The following SLC27A1 variants were observed in gnomAD, a reference collection of about 807,000 sequenced individuals.
SLC27A1 encodes long-chain fatty acid transport protein 1.
SLC27A1 carries 61 observed loss-of-function variants against 62.2 expected under a neutral mutation model. The observed-to-expected ratio is 0.98, with a 90% confidence interval of 0.80 to 1.21. SLC27A1 has a LOEUF of 1.21. SLC27A1 is among the 50% of genes most tolerant of loss of function. SLC27A1 has a pLI of 0.00. For missense variants in SLC27A1, 903 were observed against 932.1 expected (o/e 0.97, Z 0.41); for synonymous variants, 435 against 408.6 (o/e 1.06, Z -0.78).
chr19:17,497,573 G>T (rs1163208984), intron 7 of SLC27A1, 109 bp downstream of exon 7: 35 of 1,042,740 alleles, frequency 3.4e-5, no homozygotes, highest in Non-Finnish European at 4.4e-5. Flanking sequence ...GGCGCGGAAG[G>T]CTCCGCCAAG....
chr19:17,502,194 C>G (rs888783378), intron 11 of SLC27A1, among the ~76,000 whole-genome samples: 1 of 152,082 alleles, frequency 6.6e-6, no homozygotes, highest in Non-Finnish European at 1.5e-5. Context: ...CATCCTAGTT[C>G]AGGACAGTGT....
At chr19:17,488,096 CGCCT>C (rs2075256076) in intron 4 of SLC27A1, among the ~76,000 whole-genome samples, 1 of 152,174 alleles carries the variant, frequency 6.6e-6, no homozygotes, top group Non-Finnish European at 1.5e-5. Context: ...TGGTGGCTTA[CGCCT>C]GTAACCCCAA....
At chr19:17,485,546 T>G (rs2075221432) in intron 1 of SLC27A1, among the ~76,000 whole-genome samples, 1 of 151,582 alleles carries the variant, frequency 6.6e-6, no homozygotes, top group Non-Finnish European at 1.5e-5. Flanking sequence ...AAGTTCATTC[T>G]TGGCTGGGCA....
At chr19:17,491,276 C>T (rs1364165185) in intron 6 of SLC27A1, 2 of 152,014 alleles carry the variant, frequency 1.3e-5, no homozygotes, top group African/African-American at 4.8e-5. Context: ...CCAGAACATT[C>T]TCATGCCCCC....
In SLC27A1 at chr19:17,487,276, C is replaced by T; in HGVS notation, c.665C>T (p.Pro222Leu). 11 of 1,613,826 alleles carry T rather than the reference C, an allele frequency of 6.8e-6. No homozygotes were observed. The highest frequency in any genetic ancestry group is 1.1e-5 in the South Asian group (1 of 91,068). ...GILPDTHLLD[P>L]LLKEASTAPL... ...TTGCCGGACACCCACCTCCTGGACC[C>T]GCTGCTGAAGGAGGCCTCTACTGCC... The change falls in exon 3 of 12, where the codon CCG becomes CTG. Residue 222 changes from proline to leucine, a missense_variant. Pro to Leu is a moderately conservative substitution (Grantham distance 98). Coordinates refer to ENST00000252595, the MANE Select transcript of SLC27A1 (RefSeq NM_198580.3).
intron 11 of SLC27A1, among the ~76,000 whole-genome samples, chr19:17,502,354 T>TG (rs1465379482): frequency 1.8e-5 from 2 of 112,534 alleles, no homozygotes; most frequent in East Asian, 4.5e-4. Flanking sequence ...GTTTTTTTTT[T>TG]TTTTTTTTTT....
chr19:17,483,402 G>A (rs1197275908), intron 1 of SLC27A1, among the ~76,000 whole-genome samples: 1 of 152,088 alleles, frequency 6.6e-6, no homozygotes, highest in African/African-American at 2.4e-5. Context: ...CTGCTGGGGG[G>A]AGCTCTGTGA....
Position 17,475,208 on chromosome 19 carries a change from C to T in SLC27A1, c.167+4501C>T, listed in dbSNP as rs542021719. 2.0e-5 allele frequency among the ~76,000 whole-genome samples: 3 copies of T among 152,284 alleles called. No individual in the cohort carries two copies. The East Asian group carries it at 5.8e-4, about 29-fold the overall frequency. On this transcript the variant is annotated intron_variant, in intron 1 of 11. Transcript: ENST00000252595. ...GGTATTACAGGCTGAACCACTGCGC[C>T]CAGCCCTAGTGACTCCCTTCTAATG... is the stretch of plus-strand genomic sequence containing the variant.
chr19:17,490,633 C>T (rs976773602), intron 6 of SLC27A1, among the ~76,000 whole-genome samples: 6 of 152,068 alleles, frequency 3.9e-5, no homozygotes, highest in South Asian at 2.1e-4. Flanking sequence ...ATCCCTCAGA[C>T]GGCATCATGT....
chr19:17,473,338 C>G (rs1568408759), intron 1 of SLC27A1, among the ~76,000 whole-genome samples: 1 of 152,230 alleles, frequency 6.6e-6, no homozygotes, highest in Non-Finnish European at 1.5e-5. Context: ...TTCCTCCTAA[C>G]AGCAAGGTCT....
intron 4 of SLC27A1, among the ~76,000 whole-genome samples, chr19:17,488,123 C>T (rs2075256366): frequency 6.6e-6 from 1 of 152,222 alleles, no homozygotes; most frequent in African/African-American, 2.4e-5. Context: ...CTTTGGGAGG[C>T]TGAGGCAGGC....
At chr19:17,473,559 A>C (rs1218223924) in intron 1 of SLC27A1, among the ~76,000 whole-genome samples, 1 of 152,164 alleles carries the variant, frequency 6.6e-6, no homozygotes. Flanking sequence ...CCTTGTTGCT[A>C]CATTAATAAA....
chr19:17,481,732 G>A (rs2075180538), intron 1 of SLC27A1, among the ~76,000 whole-genome samples: 1 of 152,054 alleles, frequency 6.6e-6, no homozygotes, highest in Non-Finnish European at 1.5e-5. Flanking sequence ...CGAACTGCTG[G>A]GCTCAAGCAA....
chr19:17,474,382 T>C (rs193238202), intron 1 of SLC27A1, among the ~76,000 whole-genome samples: 66 of 152,212 alleles, frequency 4.3e-4, no homozygotes, highest in Non-Finnish European at 9.0e-4. Flanking sequence ...GCGCAGGACA[T>C]GTTTGTTAGG....
chr19:17,503,450 A>G (rs2075438663), intron 11 of SLC27A1: 1 of 152,138 alleles, frequency 6.6e-6, no homozygotes, highest in Admixed American at 6.5e-5. Flanking sequence ...TGCCAATAAA[A>G]CTTTATTTCT....
At position 17,500,784 on chromosome 19, in the gene SLC27A1, G is replaced by C. The variant is rs767912506; in HGVS notation, c.1544G>C (p.Arg515Pro). 5 of 1,612,980 alleles carry C rather than the reference G, an allele frequency of 3.1e-6. No individual in the cohort carries two copies. The highest frequency in any genetic ancestry group is 4.2e-6 in the Non-Finnish European group (5 of 1,179,740). ...CGTAGCGGGGACACCTTCCGCTGGC[G>C]AGGGGAGAACGTCTCCACCACCGAG... ...RDRSGDTFRW[R>P]GENVSTTEVE... Residue 515 changes from arginine (R) to proline (P), a missense_variant, in exon 10 of 12, where the codon CGA (arginine) becomes CCA (proline). By Grantham distance (103) the Arg-to-Pro change is moderately radical. Coordinates refer to ENST00000252595, the MANE Select transcript of SLC27A1 (RefSeq NM_198580.3).
Position 17,485,656 on chromosome 19 carries a change from C to G in SLC27A1, c.168-907C>G, listed in dbSNP as rs950716790. On this transcript the variant is annotated intron_variant, in intron 1 of 11. Transcript: ENST00000252595. ...ACCAGCCTGACCAATATGATGAAAC[C>G]CCGTCTCTACTAAAAATACAAAAAT... Among the ~76,000 whole-genome samples the G allele has an allele frequency of 4.0e-5, 6 of 151,638 alleles. No homozygotes were observed. The East Asian group carries it at 1.2e-3, about 30-fold the overall frequency.
chr19:17,490,618 A>G (rs894284858), intron 6 of SLC27A1, among the ~76,000 whole-genome samples: 6 of 152,118 alleles, frequency 3.9e-5, no homozygotes, highest in African/African-American at 9.7e-5. Flanking sequence ...GTGATGGCAT[A>G]AAGCATCCCT....
chr19:17,470,392 C>A (rs2075061603), upstream of SLC27A1: 3 of 974,508 alleles, frequency 3.1e-6, no homozygotes, highest in Non-Finnish European at 4.2e-6. Flanking sequence ...CGGAGTCTGA[C>A]TCGGAGCGCG....
Sources: allele counts gnomAD v4.1 joint callset (sites outside exome capture counted in the v4.1 genomes callset), GRCh38; gene constraint gnomAD v4.1.1; transcripts MANE v1.5; gene names NCBI Gene and HGNC (gene_info 2026-07-23, HGNC 2026-07-21).